The following ST3GAL3 variants were observed in gnomAD, a reference collection of about 807,000 sequenced individuals.
The protein encoded by ST3GAL3 is CMP-N-acetylneuraminate-beta-1,4-galactoside alpha-2,3-sialyltransferase.
In ST3GAL3, 21 loss-of-function variants were observed where a neutral mutation model predicts 50.1. The observed-to-expected ratio is 0.42, with a 90% CI of 0.30 to 0.60. The LOEUF (loss-of-function observed/expected upper bound fraction) is 0.60, where lower values mean the gene tolerates loss of function less well. Ranked by LOEUF, ST3GAL3 falls within the 20% of genes least tolerant of loss-of-function variation. The pLI, the probability that ST3GAL3 is intolerant of heterozygous loss-of-function variation, is 0.19. For missense variants in ST3GAL3, 353 were observed against 489.4 expected (o/e 0.72, Z 2.63); for synonymous variants, 183 against 190.0 (o/e 0.96, Z 0.30).
chr1:43,752,973 G>A (rs988143322), intron 2 of ST3GAL3, among the ~76,000 whole-genome samples: 3 of 152,160 alleles, frequency 2.0e-5, no homozygotes, highest in Non-Finnish European at 2.9e-5. Flanking sequence ...ACTCATATAT[G>A]CCTTGAGACC....
chr1:43,740,902 G>A (rs1331915857), intron 2 of ST3GAL3, among the ~76,000 whole-genome samples: 4 of 150,538 alleles, frequency 2.7e-5, no homozygotes, highest in Admixed American at 6.6e-5. Flanking sequence ...GAAAGGGAGC[G>A]AGGAAGGGAG....
In ST3GAL3 at chr1:43,860,322, C is replaced by G. The variant is rs113244431; in HGVS notation, c.302+22011C>G. ...GGGTAGAGCACAGCAAACCGTGACC[C>G]ACACTCAAGGCTGTGGGGAAAGATA... On this transcript the variant is annotated intron_variant, in intron 5 of 11. Transcript: ENST00000347631. 1.1e-4 allele frequency among the ~76,000 whole-genome samples: 17 copies of G among 152,258 alleles called. 2 individuals are homozygous for G. Among genetic ancestry groups the G allele is most frequent in the African/African-American group, 2.9e-4 (12 of 41,554 alleles).
intron 5 of ST3GAL3, chr1:43,879,412 G>A (rs575250510): frequency 4.6e-4 from 212 of 456,096 alleles, no homozygotes; most frequent in Admixed American, 1.6e-3. Context: ...TCGAGAGAAT[G>A]GACTCTGAGA....
chr1:43,899,646 G>A lies in ST3GAL3; in HGVS notation c.663G>A (p.Glu221=). The change falls in exon 9 of 12, where the codon GAG becomes GAA. Residue 221 remains glutamate (E), a synonymous_variant. Transcript: ENST00000347631. The surrounding 1 kb of genome is among the most constrained non-coding windows in gnomAD (Gnocchi z 5.4). ...EGAMQRPEQY[E]RDSLFVLAGF... ...CCATGCAGCGGCCTGAGCAGTACGA[G>A]CGCGATTCTCTCTTTGTCCTCGCCG... 2 of 1,614,164 alleles carry A rather than the reference G, an allele frequency of 1.2e-6. No individual in the cohort carries two copies. Among genetic ancestry groups the A allele is most frequent in the Non-Finnish European group, 8.5e-7 (1 of 1,180,040 alleles).
intron 5 of ST3GAL3, among the ~76,000 whole-genome samples, chr1:43,885,295 A>C (rs1036445154): frequency 6.6e-6 from 1 of 152,190 alleles, no homozygotes; most frequent in Non-Finnish European, 1.5e-5. Flanking sequence ...CCCAGGGCCC[A>C]AAACCCCCAA....
chr1:43,726,009 T>G (rs983760683), intron 1 of ST3GAL3, among the ~76,000 whole-genome samples: 3 of 152,192 alleles, frequency 2.0e-5, no homozygotes, highest in Non-Finnish European at 4.4e-5. Context: ...TAAAAAATTT[T>G]TTTAAGTTTA....
intron 5 of ST3GAL3, among the ~76,000 whole-genome samples, chr1:43,859,031 G>A (rs1464899783): frequency 6.6e-6 from 1 of 152,218 alleles, no homozygotes; most frequent in South Asian, 2.1e-4. Flanking sequence ...CAGGAGAGAG[G>A]TCTGGGCTGG....
intron 9 of ST3GAL3, among the ~76,000 whole-genome samples, chr1:43,908,545 A>G (rs2154282375): frequency 6.6e-6 from 1 of 152,128 alleles, no homozygotes; most frequent in East Asian, 1.9e-4. Context: ...TCAAGAACCA[A>G]TGGCCTGCAG....
chr1:43,708,505 A>G (rs1662755713), intron 1 of ST3GAL3, among the ~76,000 whole-genome samples: 3 of 152,240 alleles, frequency 2.0e-5, no homozygotes. Flanking sequence ...AACTCTTATT[A>G]GGTTACTAAA....
At chr1:43,771,653 G>A (rs1003161042) in intron 2 of ST3GAL3, among the ~76,000 whole-genome samples, 2 of 152,062 alleles carry the variant, frequency 1.3e-5, no homozygotes, top group Non-Finnish European at 2.9e-5. Context: ...CACCGCGCCC[G>A]GCTGGGTGAC....
chr1:43,825,702 G>C (rs2062706428), intron 4 of ST3GAL3, among the ~76,000 whole-genome samples: 1 of 152,138 alleles, frequency 6.6e-6, no homozygotes, highest in South Asian at 2.1e-4. Context: ...TTAAGCAGAT[G>C]AGTAGTGACA....
intron 4 of ST3GAL3, among the ~76,000 whole-genome samples, chr1:43,822,825 CATTT>C (rs1360144160): frequency 2.0e-5 from 3 of 152,156 alleles, no homozygotes; most frequent in Non-Finnish European, 2.9e-5. Flanking sequence ...ACTCCAGACT[CATTT>C]ACCCAATTGC....
At chr1:43,722,671 CTTGA>C (rs1671051631) in intron 1 of ST3GAL3, among the ~76,000 whole-genome samples, 1 of 152,044 alleles carries the variant, frequency 6.6e-6, no homozygotes, top group Non-Finnish European at 1.5e-5. Context: ...ATTTGTAGGA[CTTGA>C]TTGATTATGT....
intron 5 of ST3GAL3, among the ~76,000 whole-genome samples, chr1:43,857,536 T>A (rs1406897675): frequency 9.0e-6 from 1 of 110,896 alleles, no homozygotes; most frequent in Non-Finnish European, 1.8e-5. Context: ...CCTCCTTCCC[T>A]CCCTCCCTCC....
intron 5 of ST3GAL3, among the ~76,000 whole-genome samples, chr1:43,868,605 G>C (rs776540269): frequency 6.9e-4 from 105 of 152,176 alleles, no homozygotes; most frequent in Non-Finnish European, 8.8e-4. Flanking sequence ...GAGCAGTTAG[G>C]AACAGTATCT....
intron 5 of ST3GAL3, among the ~76,000 whole-genome samples, chr1:43,863,118 G>A (rs143671708): frequency 2.6e-5 from 4 of 152,288 alleles, no homozygotes; most frequent in Non-Finnish European, 2.9e-5. Flanking sequence ...TTTAAAAAAC[G>A]CAGGCATGGT....
Position 43,763,139 on chromosome 1 carries a change from T to C in ST3GAL3, c.118+26759T>C, listed in dbSNP as rs562423168. Among the ~76,000 whole-genome samples, 3 of 152,284 alleles carry C rather than the reference T, an allele frequency of 2.0e-5. No individual in the cohort carries two copies. The East Asian group carries it at 5.8e-4, about 29-fold the overall frequency. On this transcript the variant is annotated intron_variant, in intron 2 of 11. Coordinates refer to ENST00000347631, the MANE Select transcript of ST3GAL3 (RefSeq NM_006279.5). ...TTTAATAGCAAAAATTTGGAAGCAA[T>C]TAGAATGTTTACCAGTAGAGAACAA...
At chr1:43,833,839 G>A (rs1281785010) in intron 4 of ST3GAL3, among the ~76,000 whole-genome samples, 2 of 152,158 alleles carry the variant, frequency 1.3e-5, no homozygotes, top group African/African-American at 2.4e-5. Context: ...AAGTTCGCAA[G>A]GGAAGTGGTG....
intron 1 of ST3GAL3, among the ~76,000 whole-genome samples, chr1:43,712,971 C>T (rs1285275582): frequency 6.6e-6 from 1 of 152,178 alleles, no homozygotes; most frequent in East Asian, 1.9e-4. Flanking sequence ...AAAGTGACTA[C>T]TTTGTCAGCT....
Sources: gnomAD v4.1 joint callset for allele counts (sites outside exome capture counted in the v4.1 genomes callset) on GRCh38, gnomAD v4.1.1 for gene constraint, Gnocchi (gnomAD v3.1) non-coding constraint, MANE v1.5 for transcripts, NCBI Gene and HGNC (gene_info 2026-07-23, HGNC 2026-07-21) for gene names.